The following RASSF3 variants were observed in gnomAD, a reference collection of about 807,000 sequenced individuals.
The protein encoded by RASSF3 is Ras association domain family member 3.
RASSF3 carries 19 observed loss-of-function variants against 19.9 expected under a neutral mutation model. The ratio of observed to expected loss-of-function variants is 0.96; its 90% CI spans 0.67 to 1.40. The LOEUF is 1.40. Among genes scored for constraint, RASSF3 ranks in the 40% most tolerant of loss-of-function variants. The pLI, the probability that RASSF3 is intolerant of heterozygous loss-of-function variation, is 0.00. For synonymous variants in RASSF3, 110 were observed against 104.2 expected, an observed-to-expected ratio of 1.06 and a Z score of -0.34; for missense variants, 306 against 289.8, an observed-to-expected ratio of 1.06 and a Z score of -0.41.
At chr12:64,573,174 G>A (rs752771948) in intron 2 of RASSF3, among the ~76,000 whole-genome samples, 2 of 152,144 alleles carry the variant, frequency 1.3e-5, no homozygotes, top group Non-Finnish European at 1.5e-5. Context: ...CCCAGTTGCT[G>A]GGCATGGTGT....
intron 2 of RASSF3, among the ~76,000 whole-genome samples, chr12:64,561,373 G>A (rs1170242165): frequency 6.6e-6 from 1 of 152,188 alleles, no homozygotes; most frequent in Non-Finnish European, 1.5e-5. Flanking sequence ...ATGCATTTCA[G>A]ATTGGACCAT....
At chr12:64,574,023 C>T (rs1171013538) in intron 2 of RASSF3, among the ~76,000 whole-genome samples, 3 of 152,010 alleles carry the variant, frequency 2.0e-5, no homozygotes, top group Non-Finnish European at 4.4e-5. Flanking sequence ...AATATTTGGG[C>T]CAGGCACAGT....
chr12:64,606,494 T>C (rs765888117), upstream of RASSF3, among the ~76,000 whole-genome samples: 1 of 152,174 alleles, frequency 6.6e-6, no homozygotes, highest in Non-Finnish European at 1.5e-5. Flanking sequence ...AATGAAGACA[T>C]TGTCATCCCC....
At chr12:64,529,082 A>C (rs1055808345), upstream of RASSF3, among the ~76,000 whole-genome samples, 1 of 152,216 alleles carries the variant, frequency 6.6e-6, no homozygotes, top group African/African-American at 2.4e-5. Context: ...CCCTAGATTG[A>C]ATGATCATAT....
chr12:64,599,815 G>A (rs913308730), intron 2 of RASSF3, among the ~76,000 whole-genome samples: 11 of 151,952 alleles, frequency 7.2e-5, no homozygotes, highest in African/African-American at 2.7e-4. Context: ...GGTGAATCAC[G>A]AGGTCAGGAG....
intron 2 of RASSF3, among the ~76,000 whole-genome samples, chr12:64,589,307 G>A (rs780539066): frequency 9.2e-5 from 14 of 152,020 alleles, no homozygotes; most frequent in Non-Finnish European, 1.9e-4. Context: ...AAAATTAGCC[G>A]GGTGTGGTGG....
chr12:64,654,159 A>G (rs1433789134), intron 1 of RASSF3: 1 of 151,226 alleles, frequency 6.6e-6, no homozygotes, highest in East Asian at 2.0e-4. Flanking sequence ...ACTAATTTTT[A>G]TTTTTATTTT....
intron 4 of RASSF3, among the ~76,000 whole-genome samples, chr12:64,692,560 T>G (rs1055971597): frequency 6.6e-6 from 1 of 152,184 alleles, no homozygotes; most frequent in Non-Finnish European, 1.5e-5. Flanking sequence ...CAGACTCATT[T>G]TGGGGAGAAG....
chr12:64,689,932 G>A (rs992118432), intron 3 of RASSF3, among the ~76,000 whole-genome samples: 11 of 149,604 alleles, frequency 7.4e-5, no homozygotes, highest in African/African-American at 2.7e-4. Context: ...GGACTTACAG[G>A]CGCCCGCCAC....
At chr12:64,693,196 T>G (rs1242836168) in intron 4 of RASSF3, among the ~76,000 whole-genome samples, 1 of 150,800 alleles carries the variant, frequency 6.6e-6, no homozygotes, top group Non-Finnish European at 1.5e-5. Flanking sequence ...CTCCAGGAAT[T>G]CTTCTACCAC....
At chr12:64,660,904 C>T (rs532712878) in intron 1 of RASSF3, among the ~76,000 whole-genome samples, 2 of 152,272 alleles carry the variant, frequency 1.3e-5, no homozygotes, top group South Asian at 4.1e-4. Context: ...CCATCAACTT[C>T]CCATCTTCCC....
At chr12:64,631,970 C>T (rs1455903798) in intron 1 of RASSF3, among the ~76,000 whole-genome samples, 1 of 152,100 alleles carries the variant, frequency 6.6e-6, no homozygotes, top group Non-Finnish European at 1.5e-5. Flanking sequence ...TCCCTTCGCA[C>T]TGGAAGGGAT....
chr12:64,567,728 A>C (rs1334643781), intron 2 of RASSF3, among the ~76,000 whole-genome samples: 4 of 152,228 alleles, frequency 2.6e-5, no homozygotes, highest in African/African-American at 9.6e-5. Flanking sequence ...CCCTGATAAG[A>C]GTCTCACAAG....
In RASSF3 at chr12:64,619,825, C is replaced by G. The variant is rs1870684401; in HGVS notation, c.111+9082C>G. On this transcript the variant is annotated intron_variant, in intron 1 of 4. Transcript: ENST00000542104. ...TGAAACCCCGTCTCTACTAAAAATA[C>G]AAAAATTAGGCAGGCATGGTGGTGC... is the stretch of plus-strand genomic sequence containing the variant. Among the ~76,000 whole-genome samples, 5 of 151,914 alleles carry G rather than the reference C, an allele frequency of 3.3e-5. No individual in the cohort carries two copies. In the South Asian group the frequency reaches 1.0e-3, roughly 32 times the overall value.
At chr12:64,566,200 CA>C (rs1393945183) in intron 2 of RASSF3, among the ~76,000 whole-genome samples, 5 of 151,656 alleles carry the variant, frequency 3.3e-5, no homozygotes, top group South Asian at 2.1e-4. Flanking sequence ...GACTCTGTCT[CA>C]AAAAAAAGTC....
At chr12:64,668,836 C>T (rs1040430082) in intron 1 of RASSF3, among the ~76,000 whole-genome samples, 5 of 151,848 alleles carry the variant, frequency 3.3e-5, no homozygotes, top group East Asian at 1.9e-4. Flanking sequence ...CGCCTGCCAC[C>T]GCACCCAGCT....
At chr12:64,527,089 C>T (rs974675988) in intron 1 of RASSF3, among the ~76,000 whole-genome samples, 3 of 152,180 alleles carry the variant, frequency 2.0e-5, no homozygotes, top group African/African-American at 7.2e-5. Context: ...GTGCAATGAA[C>T]GTGGGGATTC....
chr12:64,515,143 G>A (rs1391303939), intron 1 of RASSF3, among the ~76,000 whole-genome samples: 2 of 151,514 alleles, frequency 1.3e-5, no homozygotes, highest in East Asian at 1.9e-4. Context: ...TGCAACCTCC[G>A]CCTCCCGTGT....
At chr12:64,641,984 C>T (rs1368253330) in intron 1 of RASSF3, among the ~76,000 whole-genome samples, 2 of 151,940 alleles carry the variant, frequency 1.3e-5, no homozygotes, top group African/African-American at 4.8e-5. Context: ...TCAGGTGATC[C>T]GCCTATCTTG....
Sources: allele counts gnomAD v4.1 joint callset (sites outside exome capture counted in the v4.1 genomes callset), GRCh38; gene constraint gnomAD v4.1.1; transcripts MANE v1.5; gene names NCBI Gene and HGNC (gene_info 2026-07-23, HGNC 2026-07-21).